Variants in ANTXR1 observed in about 807,000 individuals in gnomAD.
The protein encoded by ANTXR1 is ANTXR cell adhesion molecule 1, also known as anthrax toxin receptor 1.
A neutral mutation model predicts 78.1 loss-of-function variants in ANTXR1; 19 were observed. The observed-to-expected ratio is 0.24, with a 90% CI of 0.17 to 0.36. ANTXR1 has a LOEUF of 0.36. Ranked by LOEUF, ANTXR1 falls within the 10% of genes least tolerant of loss-of-function variation. The pLI, the probability that ANTXR1 is intolerant of heterozygous loss-of-function variation, is 1.00. For missense variants in ANTXR1, 518 were observed against 718.6 expected (o/e 0.72, Z 3.19); for synonymous variants, 273 against 260.5 (o/e 1.05, Z -0.46).
In ANTXR1 at chr2:69,077,456, G is replaced by A. The variant is rs748390987; in HGVS notation, c.610G>A (p.Gly204Ser). Residue 204 changes from glycine (G) to serine (S), a missense_variant, in exon 8 of 18, where the codon GGC becomes AGC. Around this residue, in one of 5 missense-constraint regions of ANTXR1, gnomAD observed 264 missense variants for 391.8 expected, o/e 0.67. Transcript: ENST00000303714. ...SKDHVFPVNDGFQALQGIIHS... is the reference protein window; with the variant it reads ...SKDHVFPVNDSFQALQGIIHS... ...GGATCATGTGTTTCCCGTGAATGACGGCTTTCAGGCTCTGCAAGGCATCAT... is the reference window on the plus strand; with the variant it reads ...GGATCATGTGTTTCCCGTGAATGACAGCTTTCAGGCTCTGCAAGGCATCAT... The A allele has an allele frequency of 3.1e-6, 5 of 1,614,118 alleles. No individual in the cohort carries two copies. The highest frequency in any genetic ancestry group is 2.2e-5 in the South Asian group (2 of 91,080).
chr2:69,235,651 C>CAAAAA (rs554310438), intron 17 of ANTXR1, among the ~76,000 whole-genome samples: 407 of 56,940 alleles, frequency 7.1e-3, no homozygotes, highest in Non-Finnish European at 0.01. Context: ...AACCCCGTCT[C>CAAAAA]AAAAAAAAAA....
At chr2:69,059,299 A>G (rs1041853503) in intron 3 of ANTXR1, among the ~76,000 whole-genome samples, 10 of 152,134 alleles carry the variant, frequency 6.6e-5, no homozygotes, top group African/African-American at 2.4e-4. Context: ...GTCAAACTTC[A>G]TTGTTGTCTT....
chr2:69,152,147 C>T (rs768227069), intron 12 of ANTXR1, 22 bp from the exon 13 acceptor site: 19 of 1,611,212 alleles, frequency 1.2e-5, no homozygotes, highest in Non-Finnish European at 1.3e-5. Context: ...CGCTGCTGAC[C>T]GCCTCTCTCT....
intron 12 of ANTXR1, among the ~76,000 whole-genome samples, chr2:69,135,787 G>T (rs889572643): frequency 6.6e-6 from 1 of 151,872 alleles, no homozygotes; most frequent in South Asian, 2.1e-4. Context: ...ATCACAGGAG[G>T]TTTCTATACA....
chr2:69,181,898 A>T lies in ANTXR1; in HGVS notation c.1185+17A>T. The T allele has an allele frequency of 6.2e-7, 1 of 1,611,604 alleles. No homozygotes were observed. The highest frequency in any genetic ancestry group is 8.5e-7 in the Non-Finnish European group (1 of 1,177,804). ...AGAATGGAGGTAAGAGGACAGCTTCATATACACTTATCTATGTGCTGACTA... is the reference window on the plus strand; with the variant it reads ...AGAATGGAGGTAAGAGGACAGCTTCTTATACACTTATCTATGTGCTGACTA... On this transcript the variant is annotated intron_variant, in intron 15 of 17. Transcript: ENST00000303714.
intron 12 of ANTXR1, among the ~76,000 whole-genome samples, chr2:69,136,193 G>A (rs1573921624): frequency 6.6e-6 from 1 of 152,100 alleles, no homozygotes; most frequent in East Asian, 1.9e-4. Flanking sequence ...TAAAGATAAT[G>A]AAATATATCC....
At chr2:69,087,986 A>G (rs2104273034) in intron 8 of ANTXR1, among the ~76,000 whole-genome samples, 1 of 152,294 alleles carries the variant, frequency 6.6e-6, no homozygotes. Flanking sequence ...CCTCACTGAT[A>G]AATTTTACTC....
In ANTXR1 at chr2:69,102,698, T is replaced by TG. The variant is rs1314808527; in HGVS notation, c.704-142dup. ...TGGTAAGTAGTGAAAGGAACCCACC[T>TG]GGTTGCTTTTGGTGTTCAACCTAAA... On this transcript the variant is annotated intron_variant, in intron 9 of 17. Coordinates refer to ENST00000303714, the MANE Select transcript of ANTXR1 (RefSeq NM_032208.3). The TG allele has an allele frequency of 1.4e-5, 12 of 840,996 alleles. 1 individual carries two copies. The highest frequency in any genetic ancestry group is 1.1e-4 in the South Asian group (8 of 72,666). The allele number at this position is 840,996 out of a possible 1,614,324, so 52.1% of individuals were successfully genotyped here.
At chr2:69,115,038 G>A (rs1672096519) in intron 10 of ANTXR1, among the ~76,000 whole-genome samples, 1 of 151,828 alleles carries the variant, frequency 6.6e-6, no homozygotes, top group South Asian at 2.1e-4. Context: ...GACATTTTGG[G>A]CTGGATAATT....
At chr2:69,064,276 T>C (rs1670327005) in intron 3 of ANTXR1, among the ~76,000 whole-genome samples, 1 of 152,172 alleles carries the variant, frequency 6.6e-6, no homozygotes, top group African/African-American at 2.4e-5. Flanking sequence ...AGGATTCAGC[T>C]GGGGATTAGG....
At position 69,090,913 on chromosome 2, in the gene ANTXR1, G is replaced by T; in HGVS notation, c.697G>T (p.Ala233Ser). 6.2e-7 allele frequency: 1 copy of T among 1,612,774 alleles called. No individual in the cohort carries two copies. Among genetic ancestry groups the T allele is most frequent in the South Asian group, 1.1e-5 (1 of 91,082 alleles). ...ILAAEPSTICAGESFQVVVRG... is the reference protein window; with the variant it reads ...ILAAEPSTICSGESFQVVVRG... ...AGCAGCTGAACCATCCACCATATGT[G>T]CAGGAGGTAAATTGAAATGAAATGC... is the stretch of plus-strand genomic sequence containing the variant. Residue 233 changes from alanine (A) to serine (S), a missense_variant, in exon 9 of 18, where the codon GCA (alanine) becomes TCA (serine). By Grantham distance (99) the Ala-to-Ser change is moderately conservative (BLOSUM62 1). Around this residue, in one of 5 missense-constraint regions of ANTXR1, gnomAD observed 264 missense variants for 391.8 expected, o/e 0.67. Coordinates refer to ENST00000303714, the MANE Select transcript of ANTXR1 (RefSeq NM_032208.3).
chr2:69,039,221 G>A (rs1348340522), intron 1 of ANTXR1, among the ~76,000 whole-genome samples: 2 of 152,202 alleles, frequency 1.3e-5, no homozygotes, highest in East Asian at 1.9e-4. Flanking sequence ...AAAACTAATC[G>A]GAGCCATTGC....
chr2:69,075,618 T>C lies in ANTXR1; in HGVS notation c.521T>C (p.Ile174Thr). The C allele has an allele frequency of 6.2e-7, 1 of 1,614,136 alleles. No individual in the cohort carries two copies. The highest frequency in any genetic ancestry group is 1.6e-4 in the Middle Eastern group (1 of 6,062). The change falls in exon 7 of 18, where the codon ATT (isoleucine) becomes ACT (threonine). Residue 174 changes from isoleucine to threonine, a missense_variant. Physicochemically the swap from Ile to Thr is moderately conservative, Grantham distance 89. This residue lies in a region of ANTXR1 where 264 missense variants were observed against 391.8 expected (regional missense o/e 0.67). Coordinates refer to ENST00000303714, the MANE Select transcript of ANTXR1 (RefSeq NM_032208.3). Reference sequence around the variant, plus strand: ...AATAGGTCTCGAGATCTTGGTGCAATTGTTTACTGTGTTGGTGTGAAAGAT... The same window carrying C: ...AATAGGTCTCGAGATCTTGGTGCAACTGTTTACTGTGTTGGTGTGAAAGAT... ...EANRSRDLGAIVYCVGVKDFN... is the reference protein window; with the variant it reads ...EANRSRDLGATVYCVGVKDFN...
rs183291600 is a variant in ANTXR1 at position 69,125,811 on chromosome 2, G to A, written c.951+1168G>A. Among the ~76,000 whole-genome samples, 17 of 152,036 alleles carry A rather than the reference G, an allele frequency of 1.1e-4. No homozygotes were observed. The East Asian group carries it at 1.5e-3, about 14-fold the overall frequency. On this transcript the variant is annotated intron_variant, in intron 12 of 17. Coordinates refer to ENST00000303714, the MANE Select transcript of ANTXR1 (RefSeq NM_032208.3). ...AGCTGAGATTGCACCACTGCACTCC[G>A]GCCTGGGTGACAGTAAGACCCTGTC...
chr2:69,157,253 CCCT>C (rs1371311314), intron 13 of ANTXR1, among the ~76,000 whole-genome samples: 1 of 152,028 alleles, frequency 6.6e-6, no homozygotes, highest in Non-Finnish European at 1.5e-5. Context: ...CTCCCTGTCT[CCCT>C]CATGGGCTCT....
In ANTXR1 at chr2:69,013,257, T is replaced by C. The variant is rs1022467030; in HGVS notation, c.-243T>C. The C allele has an allele frequency of 1.6e-6, 1 of 627,496 alleles. No individual in the cohort carries two copies. The highest frequency in any genetic ancestry group is 2.8e-6 in the Non-Finnish European group (1 of 362,604). The allele number at this position is 627,496 out of a possible 1,614,324, so 38.9% of individuals were successfully genotyped here. On this transcript the variant is annotated 5_prime_UTR_variant, in exon 1 of 18. Coordinates refer to ENST00000303714, the MANE Select transcript of ANTXR1 (RefSeq NM_032208.3). The surrounding 1 kb of genome is among the most constrained non-coding windows in gnomAD (Gnocchi z 5.0). The stretch of plus-strand genomic sequence containing the variant: ...GCCCCGGACCGAGGCAGCCCTCCCC[T>C]TTAAAAGAAGCGGAGGACAGGATTG...
chr2:69,228,813 C>A (rs1158804960), intron 17 of ANTXR1, among the ~76,000 whole-genome samples: 1 of 152,168 alleles, frequency 6.6e-6, no homozygotes, highest in Admixed American at 6.5e-5. Context: ...GAGAACCTAG[C>A]AGACACCTAC....
chr2:69,095,914 G>C (rs1374819759), intron 9 of ANTXR1, among the ~76,000 whole-genome samples: 1 of 152,106 alleles, frequency 6.6e-6, no homozygotes, highest in Non-Finnish European at 1.5e-5. Flanking sequence ...TTTTTAACTG[G>C]AACTCTTACT....
chr2:69,124,199 C>T (rs765441501), intron 11 of ANTXR1, among the ~76,000 whole-genome samples: 2 of 152,208 alleles, frequency 1.3e-5, no homozygotes, highest in Non-Finnish European at 2.9e-5. Flanking sequence ...CAGTCTACCC[C>T]CATTGACTTG....
Sources: gnomAD v4.1 joint callset for allele counts (sites outside exome capture counted in the v4.1 genomes callset) on GRCh38, gnomAD v4.1.1 for gene constraint, gnomAD v4.1.1 regional missense constraint, Gnocchi (gnomAD v3.1) non-coding constraint, MANE v1.5 for transcripts, NCBI Gene and HGNC (gene_info 2026-07-23, HGNC 2026-07-21) for gene names.